CNBD1: variants seen among roughly 807,000 people sequenced by gnomAD.
The protein encoded by CNBD1 is cyclic nucleotide-binding domain-containing protein 1.
A neutral mutation model predicts 54.4 loss-of-function variants in CNBD1; 71 were observed. The observed-to-expected ratio is 1.30, with a 90% CI of 1.08 to 1.59. The LOEUF (loss-of-function observed/expected upper bound fraction) is 1.59, where lower values mean the gene tolerates loss of function less well. Among genes scored for constraint, CNBD1 ranks in the 40% most tolerant of loss-of-function variants. The probability of loss-of-function intolerance (pLI) is 0.00; values close to 1 mark genes in which losing one functional copy is unlikely to be tolerated. For synonymous variants in CNBD1, 182 were observed against 170.7 expected, an observed-to-expected ratio of 1.07 and a Z score of -0.51; for missense variants, 659 against 518.0, an observed-to-expected ratio of 1.27 and a Z score of -2.64.
intron 6 of CNBD1, among the ~76,000 whole-genome samples, chr8:87,276,663 A>G (rs896196995): frequency 1.3e-5 from 2 of 151,884 alleles, no homozygotes; most frequent in African/African-American, 2.4e-5. Context: ...TAAAAGCTGA[A>G]TAACACCAAA....
chr8:87,301,583 G>A (rs1051539388), intron 8 of CNBD1, among the ~76,000 whole-genome samples: 7 of 151,806 alleles, frequency 4.6e-5, no homozygotes, highest in Admixed American at 6.6e-5. Context: ...TAAACAGAAC[G>A]CAAGTCAATA....
At chr8:87,325,833 T>G (rs2099453327) in intron 8 of CNBD1, among the ~76,000 whole-genome samples, 2 of 148,472 alleles carry the variant, frequency 1.3e-5, no homozygotes, top group South Asian at 4.3e-4. Flanking sequence ...TGTGTGAATC[T>G]GATCCTGTCA....
chr8:87,014,685 G>A (rs1267607466), intron 4 of CNBD1, among the ~76,000 whole-genome samples: 1 of 151,662 alleles, frequency 6.6e-6, no homozygotes, highest in Non-Finnish European at 1.5e-5. Context: ...TAAGTATCTG[G>A]GTAATTTGTA....
chr8:87,146,425 C>T (rs546241237), intron 4 of CNBD1, among the ~76,000 whole-genome samples: 58 of 152,210 alleles, frequency 3.8e-4, no homozygotes, highest in African/African-American at 1.2e-3. Flanking sequence ...ATTTCTAAGT[C>T]GTTTCTCCAA....
chr8:86,998,614 T>A (rs966670869), intron 4 of CNBD1, among the ~76,000 whole-genome samples: 1 of 152,150 alleles, frequency 6.6e-6, no homozygotes, highest in African/African-American at 2.4e-5. Context: ...GGGCTACAAA[T>A]AAATTTTAGA....
At chr8:87,134,471 A>G (rs1178537071) in intron 4 of CNBD1, among the ~76,000 whole-genome samples, 1 of 152,056 alleles carries the variant, frequency 6.6e-6, no homozygotes, top group Non-Finnish European at 1.5e-5. Context: ...CTAATTTGAC[A>G]GTATTCTTCA....
intron 6 of CNBD1, among the ~76,000 whole-genome samples, chr8:87,269,784 AC>A (rs768066480): frequency 6.6e-5 from 10 of 152,018 alleles, no homozygotes; most frequent in Non-Finnish European, 1.5e-4. Flanking sequence ...AAACCTACTA[AC>A]CAAAAATAGT....
intron 4 of CNBD1, among the ~76,000 whole-genome samples, chr8:87,069,368 A>G (rs1421310373): frequency 3.3e-5 from 5 of 152,084 alleles, no homozygotes; most frequent in African/African-American, 2.4e-5. Context: ...TAGTTGTCCC[A>G]TAAGGTTTTA....
intron 2 of CNBD1, among the ~76,000 whole-genome samples, chr8:87,412,940 G>A (rs1280011124): frequency 6.6e-6 from 1 of 152,070 alleles, no homozygotes; most frequent in African/African-American, 2.4e-5. Context: ...GTGGAGGGAT[G>A]ATTTCTGGTC....
intron 8 of CNBD1, among the ~76,000 whole-genome samples, chr8:87,312,051 G>A (rs1003496304): frequency 3.3e-5 from 5 of 151,940 alleles, no homozygotes; most frequent in South Asian, 2.1e-4. Flanking sequence ...AGCATCACGC[G>A]ATATACCTAT....
chr8:87,230,677 C>T (rs1814665903), intron 5 of CNBD1, among the ~76,000 whole-genome samples: 1 of 152,148 alleles, frequency 6.6e-6, no homozygotes, highest in Admixed American at 6.5e-5. Flanking sequence ...ACACCTAGCA[C>T]AGTGCATGAC....
intron 2 of CNBD1, among the ~76,000 whole-genome samples, chr8:87,398,140 C>A (rs1204200867): frequency 6.6e-6 from 1 of 151,270 alleles, no homozygotes; most frequent in Admixed American, 6.6e-5. Flanking sequence ...CTGGATTATA[C>A]CTGTGTTGTC....
intron 10 of CNBD1, among the ~76,000 whole-genome samples, chr8:87,377,163 T>A (rs1182412648): frequency 1.3e-5 from 2 of 150,748 alleles, no homozygotes; most frequent in Non-Finnish European, 3.0e-5. Flanking sequence ...ATTTATATTA[T>A]TATTATACTT....
intron 4 of CNBD1, among the ~76,000 whole-genome samples, chr8:87,032,858 CA>C (rs1809824364): frequency 6.6e-6 from 1 of 152,172 alleles, no homozygotes; most frequent in Admixed American, 6.6e-5. Context: ...ACATCTTCCT[CA>C]TTGTCACTGA....
intron 4 of CNBD1, among the ~76,000 whole-genome samples, chr8:86,956,736 T>A (rs1563836288): frequency 6.6e-6 from 1 of 152,180 alleles, no homozygotes; most frequent in Non-Finnish European, 1.5e-5. Context: ...TGGGCTGAGA[T>A]GATGGGTTTT....
At chr8:86,978,907 G>A (rs1042376736) in intron 4 of CNBD1, among the ~76,000 whole-genome samples, 3 of 152,038 alleles carry the variant, frequency 2.0e-5, no homozygotes, top group Admixed American at 2.0e-4. Context: ...CTGGAAAAAA[G>A]TATAATCTAT....
chr8:87,327,124 G>A (rs1471611209), intron 8 of CNBD1, among the ~76,000 whole-genome samples: 7 of 144,426 alleles, frequency 4.8e-5, no homozygotes, highest in Non-Finnish European at 9.2e-5. Context: ...TCGGGGGTCA[G>A]GGGTCAGGGA....
chr8:87,153,124 C>A (rs1294278637), intron 4 of CNBD1, among the ~76,000 whole-genome samples: 1 of 152,068 alleles, frequency 6.6e-6, no homozygotes, highest in Admixed American at 6.5e-5. Context: ...ATTTACTTTT[C>A]TGCTTGTTGA....
rs1311013370 is a variant in CNBD1 at position 87,061,387 on chromosome 8, ATATTTT to A, written c.431+121636_431+121641del. Among the ~76,000 whole-genome samples, 8 of 152,228 alleles carry A rather than the reference ATATTTT, an allele frequency of 5.3e-5. No individual in the cohort carries two copies. In the East Asian group the frequency reaches 1.5e-3, roughly 29 times the overall value. ...TTCCATAATAATACAGCAAATGGTC[ATATTTT>A]TACAATGCTCTACGATCCCCATAAG... is the stretch of plus-strand genomic sequence containing the variant. On this transcript the variant is annotated intron_variant, in intron 4 of 10. Coordinates refer to ENST00000518476, the MANE Select transcript of CNBD1 (RefSeq NM_173538.3).
Sources: allele counts gnomAD v4.1 joint callset (sites outside exome capture counted in the v4.1 genomes callset), GRCh38; gene constraint gnomAD v4.1.1; transcripts MANE v1.5; gene names NCBI Gene and HGNC (gene_info 2026-07-23, HGNC 2026-07-21).